The following MME variants were observed in gnomAD, a reference collection of about 807,000 sequenced individuals.
MME encodes membrane metalloendopeptidase.
MME carries 98 observed loss-of-function variants against 113.2 expected under a neutral mutation model. The observed-to-expected ratio is 0.87, with a 90% confidence interval of 0.74 to 1.02. The LOEUF (loss-of-function observed/expected upper bound fraction) is 1.02. Ranked by LOEUF, MME falls within the 50% of genes least tolerant of loss-of-function variation. The pLI is 0.00. For missense variants in MME, 836 were observed against 896.0 expected (o/e 0.93, Z 0.86); for synonymous variants, 292 against 300.6 (o/e 0.97, Z 0.30).
rs142024933 is a variant in MME, at chr3:155,044,207, A to C, written c.-11+19883A>C. On this transcript the variant is annotated intron_variant, in intron 1 of 22. Coordinates refer to the MME transcript ENST00000492661. ...GAGTGCAGTTGTGCAATTTCAGGTC[A>C]CTGCAACCTCTGCCTGCCGGGTTCA... is the stretch of plus-strand genomic sequence containing the variant. Among the ~76,000 whole-genome samples the C allele has an allele frequency of 5.3e-3, 713 of 134,576 alleles. 5 individuals are homozygous for C. Among genetic ancestry groups the C allele is most frequent in the East Asian group, 0.017 (77 of 4,600 alleles). The allele number at this position is 134,576 out of a possible 152,430, so 88.3% of individuals were successfully genotyped here.
At chr3:155,067,927 T>C (rs987710542) in intron 1 of MME, among the ~76,000 whole-genome samples, 2 of 152,218 alleles carry the variant, frequency 1.3e-5, no homozygotes, top group Admixed American at 6.5e-5. Context: ...CACTCCTAGA[T>C]ATTTACCTAG....
At chr3:155,150,999 T>TGGCTG in intron 16 of MME, among the ~76,000 whole-genome samples, 1 of 152,216 alleles carries the variant, frequency 6.6e-6, no homozygotes, top group Middle Eastern at 3.4e-3. Context: ...GTAATAAAGT[T>TGGCTG]GGCTGGACAT....
chr3:155,156,978 A>C (rs952770002), intron 16 of MME, among the ~76,000 whole-genome samples: 2 of 152,014 alleles, frequency 1.3e-5, no homozygotes, highest in African/African-American at 4.8e-5. Context: ...TTTTCTTCCC[A>C]GCTATAAAAA....
chr3:155,152,393 C>G (rs891121288), intron 16 of MME, among the ~76,000 whole-genome samples: 1 of 152,038 alleles, frequency 6.6e-6, no homozygotes, highest in Non-Finnish European at 1.5e-5. Flanking sequence ...TGGACTAGCC[C>G]CTATTGAAAG....
rs1334189631 is a variant in MME at position 155,181,489 on chromosome 3, A to G, written c.*1030A>G. 6.6e-6 allele frequency: 1 copy of G among 152,152 alleles called. No individual in the cohort carries two copies. 9.4% of individuals were successfully genotyped at this position (152,152 alleles called of 1,614,324 possible). A position where few individuals can be genotyped will look rare whatever the true frequency, so the allele number is the denominator to read the frequency against. On this transcript the variant is annotated 3_prime_UTR_variant, in exon 23 of 23. Transcript: ENST00000360490. ...ATCTGTCCCTGAGAGTGTCTCTGAT[A>G]AAAGGGCAAATCTGCACCTATGTAG... is the stretch of plus-strand genomic sequence containing the variant.
intron 15 of MME, among the ~76,000 whole-genome samples, chr3:155,148,255 A>G (rs1195959660): frequency 2.0e-5 from 3 of 152,164 alleles, no homozygotes; most frequent in Non-Finnish European, 4.4e-5. Context: ...AGAATGTGCT[A>G]TTATCCACAT....
At chr3:155,137,053 G>A (rs61758180) in intron 8 of MME, among the ~76,000 whole-genome samples, 1,712 of 152,276 alleles carry the variant, frequency 0.011, 22 homozygotes, top group Non-Finnish European at 0.018. Flanking sequence ...CTGTGAACTT[G>A]AATGAGGCAT....
intron 8 of MME, among the ~76,000 whole-genome samples, chr3:155,133,062 A>ATATATATATATATATAT (rs376436889): frequency 1.2e-3 from 87 of 74,904 alleles, no homozygotes; most frequent in Non-Finnish European, 1.6e-3. Context: ...AAAAAAAAAA[A>ATATATATATATATATAT]ATATATATAT....
chr3:155,130,966 T>G (rs112898370), intron 8 of MME, among the ~76,000 whole-genome samples: 202 of 152,284 alleles, frequency 1.3e-3, no homozygotes, highest in African/African-American at 4.6e-3. Flanking sequence ...GAACTCATGT[T>G]CTAATGGGAA....
intron 3 of MME, chr3:155,089,738 G>A (rs1213544011): frequency 2.9e-5 from 10 of 341,898 alleles, no homozygotes; most frequent in Non-Finnish European, 6.1e-5. Context: ...AGCACTTTGG[G>A]AGGCCAAGGC....
intron 3 of MME, among the ~76,000 whole-genome samples, chr3:155,089,673 C>T (rs184059882): frequency 8.8e-4 from 134 of 152,278 alleles, no homozygotes; most frequent in African/African-American, 3.0e-3. Flanking sequence ...TATTCACACC[C>T]AATTCCCAGA....
chr3:155,028,869 A>G (rs920281733), intron 1 of MME, among the ~76,000 whole-genome samples: 2 of 152,202 alleles, frequency 1.3e-5, no homozygotes, highest in African/African-American at 4.8e-5. Context: ...TGGGCTACAA[A>G]GACTTAATTT....
At chr3:155,129,918 T>C (rs1289963746) in intron 8 of MME, among the ~76,000 whole-genome samples, 3 of 152,336 alleles carry the variant, frequency 2.0e-5, no homozygotes, top group Admixed American at 6.5e-5. Context: ...TTCTTCTATA[T>C]TGATTCACTG....
Position 155,066,518 on chromosome 3 carries a change from G to C in MME, c.-10-17640G>C, listed in dbSNP as rs140208005. ...TGAGTATCGTCGTTTGAAAGTAATT[G>C]AGCTAAATATTAAATAATTTTTCCC... On this transcript the variant is annotated intron_variant, in intron 1 of 22. Coordinates refer to the MME transcript ENST00000492661. 4.7e-3 allele frequency among the ~76,000 whole-genome samples: 720 copies of C among 152,158 alleles called. 5 individuals are homozygous for C. The highest frequency in any genetic ancestry group is 0.017 in the African/African-American group (690 of 41,488).
chr3:155,097,772 G>A (rs891208498), intron 3 of MME, among the ~76,000 whole-genome samples: 6 of 152,116 alleles, frequency 3.9e-5, no homozygotes, highest in South Asian at 2.1e-4. Context: ...AAAAATCTCC[G>A]CCTGGGAGTG....
chr3:155,143,309 A>G (rs1320167035), intron 12 of MME, 134 bp from the exon 13 acceptor site: 6 of 1,014,518 alleles, frequency 5.9e-6, no homozygotes, highest in Non-Finnish European at 9.2e-6. Flanking sequence ...ATCATAGGCT[A>G]GGAACATGGG....
chr3:155,067,267 A>G (rs58263901), intron 1 of MME, among the ~76,000 whole-genome samples: 2,241 of 137,352 alleles, frequency 0.016, 67 homozygotes, highest in African/African-American at 0.056. Flanking sequence ...TTAAAAATTT[A>G]TATAACAGAT....
At chr3:155,049,676 T>G (rs931455597) in intron 1 of MME, among the ~76,000 whole-genome samples, 194 of 143,676 alleles carry the variant, frequency 1.4e-3, no homozygotes, top group African/African-American at 4.7e-3. Flanking sequence ...TCTATCTATA[T>G]ATAGAGAGAG....
intron 17 of MME, among the ~76,000 whole-genome samples, chr3:155,162,715 T>A (rs1722804226): frequency 6.6e-6 from 1 of 151,980 alleles, no homozygotes; most frequent in African/African-American, 2.4e-5. Flanking sequence ...TTTTTCTTGA[T>A]AGGAATGTTT....
Sources: allele counts gnomAD v4.1 joint callset (sites outside exome capture counted in the v4.1 genomes callset), GRCh38; gene constraint gnomAD v4.1.1; transcripts MANE v1.5; gene names NCBI Gene and HGNC (gene_info 2026-07-23, HGNC 2026-07-21).